Variants in HCFC2 observed in about 807,000 individuals in gnomAD.
HCFC2 encodes the protein host cell factor 2.
HCFC2 carries 18 observed loss-of-function variants against 89.2 expected under a neutral mutation model. The ratio of observed to expected loss-of-function variants is 0.20; its 90% CI spans 0.14 to 0.30. The LOEUF (loss-of-function observed/expected upper bound fraction) is 0.30. Ranked by LOEUF, HCFC2 falls within the 10% of genes least tolerant of loss-of-function variation. HCFC2 has a pLI of 1.00. For synonymous variants in HCFC2, 308 were observed against 335.7 expected (o/e 0.92, Z 0.90); for missense variants, 578 against 956.1 (o/e 0.60, Z 5.21).
intron 7 of HCFC2, among the ~76,000 whole-genome samples, chr12:104,085,597 C>T (rs1038266087): frequency 5.9e-5 from 9 of 152,038 alleles, no homozygotes; most frequent in African/African-American, 1.9e-4. Context: ...TATCAGTATT[C>T]TTCTAAAAGT....
chr12:104,086,325 T>C (rs929780141), intron 7 of HCFC2, among the ~76,000 whole-genome samples: 5 of 152,160 alleles, frequency 3.3e-5, no homozygotes, highest in Non-Finnish European at 7.3e-5. Flanking sequence ...TTGTAAAATA[T>C]CATGTCCAAG....
chr12:104,087,787 G>A (rs978969187), intron 8 of HCFC2, among the ~76,000 whole-genome samples, 199 bp from the exon 9 acceptor site: 11 of 151,964 alleles, frequency 7.2e-5, no homozygotes, highest in African/African-American at 2.4e-4. Context: ...AATAGGCCTT[G>A]GAAGTAAAAG....
In HCFC2 at chr12:104,095,589, A is replaced by AT. The variant is rs746168662; in HGVS notation, c.1666+30dup. On this transcript the variant is annotated intron_variant, in intron 11 of 14. Transcript: ENST00000229330. The surrounding 1 kb of genome is among the most constrained non-coding windows in gnomAD (Gnocchi z 4.2). ...GTTTGAAATGTGTTTCACATACTGT[A>AT]TTTTGAACCATTTATGTATATAAAT... 56 of 1,544,812 alleles carry AT rather than the reference A, an allele frequency of 3.6e-5. No individual in the cohort carries two copies. The East Asian group carries it at 9.0e-4, about 25-fold the overall frequency.
intron 4 of HCFC2, 46 bp downstream of exon 4, chr12:104,079,699 ATGCTTTG>A: frequency 7.1e-7 from 1 of 1,415,700 alleles, no homozygotes; most frequent in Admixed American, 1.8e-5. Context: ...AAATTAAAAA[ATGCTTTG>A]AAAAATATTA....
Position 104,066,297 on chromosome 12 carries a change from T to A in HCFC2, c.294T>A (p.Asn98Lys), listed in dbSNP as rs917566185. 5 of 1,595,986 alleles carry A rather than the reference T, an allele frequency of 3.1e-6. No individual in the cohort carries two copies. Among genetic ancestry groups the A allele is most frequent in the Non-Finnish European group, 4.3e-6 (5 of 1,171,486 alleles). Residue 98 changes from asparagine to lysine, a missense_variant, in exon 2 of 15, where the codon AAT becomes AAA. Physicochemically the swap from Asn to Lys is moderately conservative, Grantham distance 94. This residue lies in a region of HCFC2 where 206 missense variants were observed against 419.2 expected (regional missense o/e 0.49). Transcript: ENST00000229330. ...TGGTTGAATATGGAAGATACAGCAA[T>A]GAGTTATATGAGTTACAAGTAAGTG... ...GGMVEYGRYSNELYELQASRW... is the reference protein window; with the variant it reads ...GGMVEYGRYSKELYELQASRW...
At position 104,064,550 on chromosome 12, in the gene HCFC2, G is replaced by C; in HGVS notation, c.-11G>C. On this transcript the variant is annotated 5_prime_UTR_variant, in exon 1 of 15. Transcript: ENST00000229330. This position sits in a 1 kb window ranked among gnomAD's most constrained non-coding sequence, Gnocchi z 7.3. ...CGGTGCATTGTGGGCAGAGGGGCGG[G>C]GGTTGGGAAGATGGCGGCTCCCAGC... The C allele has an allele frequency of 6.7e-7, 1 of 1,499,802 alleles. No individual in the cohort carries two copies. Among genetic ancestry groups the C allele is most frequent in the Non-Finnish European group, 8.9e-7 (1 of 1,123,596 alleles). 92.9% of individuals were successfully genotyped at this position (1,499,802 alleles called of 1,614,324 possible). A position where few individuals can be genotyped will look rare whatever the true frequency, so the allele number is the denominator to read the frequency against.
intron 9 of HCFC2, among the ~76,000 whole-genome samples, chr12:104,090,668 T>C (rs981374433): frequency 2.2e-4 from 34 of 151,946 alleles, no homozygotes; most frequent in African/African-American, 8.2e-4. Flanking sequence ...AAATATAATA[T>C]CTTTCCTTCT....
At chr12:104,099,754 C>T (rs1252262375) in intron 13 of HCFC2, among the ~76,000 whole-genome samples, 2 of 152,198 alleles carry the variant, frequency 1.3e-5, no homozygotes, top group African/African-American at 4.8e-5. Context: ...CAGCCTCAAC[C>T]TCCTGGGCTT....
intron 12 of HCFC2, 95 bp downstream of exon 12, chr12:104,096,528 A>G (rs1884183998): frequency 2.5e-6 from 2 of 794,454 alleles, no homozygotes; most frequent in East Asian, 2.6e-5. Context: ...AAAGATTCTC[A>G]GGTCTCAGTA....
chr12:104,098,142 G>A (rs1356397375), intron 12 of HCFC2: 21 of 447,940 alleles, frequency 4.7e-5, no homozygotes, highest in Non-Finnish European at 7.5e-5. Context: ...GAGAATGCCT[G>A]TCACTCCTGT....
At chr12:104,077,939 G>A (rs116298097) in intron 3 of HCFC2, among the ~76,000 whole-genome samples, 2 of 152,024 alleles carry the variant, frequency 1.3e-5, no homozygotes, top group Non-Finnish European at 1.5e-5. Flanking sequence ...CAGTTTAGAT[G>A]TAATCATAAA....
intron 11 of HCFC2, 119 bp from the exon 12 acceptor site, chr12:104,096,241 T>TGC: frequency 1.8e-6 from 1 of 551,796 alleles, no homozygotes; most frequent in Non-Finnish European, 3.1e-6. Context: ...ACATAAAATT[T>TGC]GCTGTCTTAG....
intron 7 of HCFC2, among the ~76,000 whole-genome samples, chr12:104,086,261 A>T (rs1410550664): frequency 6.6e-6 from 1 of 152,154 alleles, no homozygotes; most frequent in Non-Finnish European, 1.5e-5. Flanking sequence ...CACCATGCCC[A>T]GCTGGTAGTA....
intron 7 of HCFC2, among the ~76,000 whole-genome samples, chr12:104,084,520 G>A (rs559716501): frequency 6.6e-6 from 1 of 152,186 alleles, no homozygotes; most frequent in African/African-American, 2.4e-5. Flanking sequence ...AAACAAAGAG[G>A]AAAGTGTAGG....
intron 3 of HCFC2, among the ~76,000 whole-genome samples, chr12:104,074,853 T>A (rs1282322523): frequency 1.3e-5 from 2 of 152,180 alleles, no homozygotes; most frequent in East Asian, 3.8e-4. Context: ...TGGAAAGCCC[T>A]CCATCTTTTA....
intron 3 of HCFC2, among the ~76,000 whole-genome samples, chr12:104,074,241 C>T (rs1883426305): frequency 6.6e-6 from 1 of 152,200 alleles, no homozygotes; most frequent in African/African-American, 2.4e-5. Context: ...TAGGCTCAGA[C>T]AGTCCCCCTG....
chr12:104,084,237 G>C (rs1397983492), intron 7 of HCFC2, among the ~76,000 whole-genome samples: 1 of 152,170 alleles, frequency 6.6e-6, no homozygotes, highest in Non-Finnish European at 1.5e-5. Context: ...GAGCAATAGT[G>C]AAACAGGTTA....
At chr12:104,079,214 A>G (rs775196190) in intron 3 of HCFC2, among the ~76,000 whole-genome samples, 2 of 152,110 alleles carry the variant, frequency 1.3e-5, no homozygotes, top group African/African-American at 4.8e-5. Context: ...GACAGGAATT[A>G]TTTTTAATCT....
At position 104,103,247 on chromosome 12, in the gene HCFC2, A is replaced by G. The variant is rs2030003070; in HGVS notation, c.2353A>G (p.Asn785Asp). ...PATQVRWLQG[N>D]NKKAPLN ...TACACAAGTTCGGTGGCTTCAAGGT[A>G]ACAATAAGAAAGCACCTTTAAATTG... The change falls in exon 15 of 15, where the codon AAC (asparagine) becomes GAC (aspartate). Residue 785 changes from asparagine to aspartate, a missense_variant. Transcript: ENST00000229330. The G allele has an allele frequency of 1.2e-6, 2 of 1,611,644 alleles. No individual in the cohort carries two copies. The highest frequency in any genetic ancestry group is 4.5e-5 in the East Asian group (2 of 44,830).
Sources: allele counts gnomAD v4.1 joint callset (sites outside exome capture counted in the v4.1 genomes callset), GRCh38; gene constraint gnomAD v4.1.1; regional missense constraint gnomAD v4.1.1; non-coding constraint Gnocchi (gnomAD v3.1); transcripts MANE v1.5; gene names NCBI Gene and HGNC (gene_info 2026-07-23, HGNC 2026-07-21).